Variants in SP2 observed in about 807,000 individuals in gnomAD.
SP2 encodes transcription factor Sp2.
A neutral mutation model predicts 50.1 loss-of-function variants in SP2; 9 were observed. The observed-to-expected ratio is 0.18, with a 90% confidence interval of 0.11 to 0.31. The LOEUF (loss-of-function observed/expected upper bound fraction) is 0.31, where lower values mean the gene tolerates loss of function less well. Ranked by LOEUF, SP2 falls within the 10% of genes least tolerant of loss-of-function variation. The pLI is 1.00. For synonymous variants in SP2, 313 were observed against 326.6 expected (o/e 0.96, Z 0.45); for missense variants, 581 against 806.5 (o/e 0.72, Z 3.39).
chr17:47,903,089 A>G (rs1412861674), intron 1 of SP2, among the ~76,000 whole-genome samples: 1 of 152,218 alleles, frequency 6.6e-6, no homozygotes, highest in African/African-American at 2.4e-5. Flanking sequence ...CTATTAATAC[A>G]TCCAAGTGGA....
chr17:47,909,595 G>T, intron 1 of SP2: 1 of 491,718 alleles, frequency 2.0e-6, no homozygotes, highest in Non-Finnish European at 2.6e-6. Flanking sequence ...TTAAACCCTC[G>T]ATGCAGTGAT....
downstream of SP2, among the ~76,000 whole-genome samples, chr17:47,929,236 C>A (rs972057461): frequency 6.6e-6 from 1 of 152,254 alleles, no homozygotes; most frequent in Non-Finnish European, 1.5e-5. Flanking sequence ...GTACACAAAG[C>A]AGATACGAAG....
Position 47,916,795 on chromosome 17 carries a change from A to C in SP2, c.724A>C (p.Lys242Gln). 1 of 1,614,076 alleles carries C rather than the reference A, an allele frequency of 6.2e-7. No homozygotes were observed. The highest frequency in any genetic ancestry group is 1.1e-5 in the South Asian group (1 of 91,082). ...LTESPPTPLS[K>Q]TNKKARKKSL... The stretch of plus-strand genomic sequence containing the variant: ...TGAAAGCCCCCCAACCCCGCTGTCT[A>C]AGACTAACAAGAAAGCAAGGAAGAA... Residue 242 changes from lysine (K) to glutamine (Q), a missense_variant, in exon 3 of 7, where the codon AAG (lysine) becomes CAG (glutamine). By Grantham distance (53) the Lys-to-Gln change is moderately conservative. This residue lies in a region of SP2 where 397 missense variants were observed against 491.0 expected (regional missense o/e 0.81). Transcript: ENST00000376741. This position sits in a 1 kb window ranked among gnomAD's most constrained non-coding sequence, Gnocchi z 4.7.
chr17:47,916,237 C>G lies in SP2; in HGVS notation c.166C>G (p.Pro56Ala). ...TCCAGCAGTTGAAGCTGCTGTGACA[C>G]CTCCTGCTCCCCCACAGCCCACACC... ...GPPAVEAAVT[P>A]PAPPQPTPRK... is the part of the protein sequence containing the mutation. The change falls in exon 3 of 7, where the codon CCT becomes GCT. Residue 56 changes from proline to alanine, a missense_variant. Around this residue, in one of 2 missense-constraint regions of SP2, gnomAD observed 397 missense variants for 491.0 expected, o/e 0.81. Coordinates refer to ENST00000376741, the MANE Select transcript of SP2 (RefSeq NM_003110.6). The surrounding 1 kb of genome is among the most constrained non-coding windows in gnomAD (Gnocchi z 4.7). 6.2e-7 allele frequency: 1 copy of G among 1,614,082 alleles called. No individual in the cohort carries two copies. Among genetic ancestry groups the G allele is most frequent in the Non-Finnish European group, 8.5e-7 (1 of 1,180,012 alleles).
At chr17:47,925,753 G>T (rs1296984287) in intron 6 of SP2, among the ~76,000 whole-genome samples, 1 of 152,156 alleles carries the variant, frequency 6.6e-6, no homozygotes, top group East Asian at 1.9e-4. Context: ...AGGAATAGTT[G>T]TCATTGCATG....
In SP2 at chr17:47,916,788, G is replaced by A. The variant is rs2229358; in HGVS notation, c.717G>A (p.Pro239=). The A allele has an allele frequency of 0.44, 715,128 of 1,613,216 alleles. 162,322 individuals are homozygous for A. The highest frequency in any genetic ancestry group is 0.77 in the East Asian group (34,431 of 44,874). Residue 239 remains proline, a synonymous_variant, in exon 3 of 7, where the codon CCG becomes CCA. Transcript: ENST00000376741. The surrounding 1 kb of genome is among the most constrained non-coding windows in gnomAD (Gnocchi z 4.7). Reference sequence around the variant, plus strand: ...TCCTCACTGAAAGCCCCCCAACCCCGCTGTCTAAGACTAACAAGAAAGCAA... The same window carrying A: ...TCCTCACTGAAAGCCCCCCAACCCCACTGTCTAAGACTAACAAGAAAGCAA... ...TQLLTESPPT[P]LSKTNKKARK...
At chr17:47,924,375 A>G (rs1284027816) in intron 4 of SP2, among the ~76,000 whole-genome samples, 2 of 151,964 alleles carry the variant, frequency 1.3e-5, no homozygotes, top group Non-Finnish European at 2.9e-5. Flanking sequence ...GGCCCAAGCA[A>G]TTGTCCTGCC....
At chr17:47,897,714 C>T (rs1420691910) in intron 1 of SP2, 3 of 254,820 alleles carry the variant, frequency 1.2e-5, no homozygotes, top group Admixed American at 1.3e-4. Context: ...GTCCAGACCA[C>T]AGCAGTAATT....
intron 1 of SP2, 81 bp downstream of exon 1, chr17:47,896,374 C>A: frequency 8.6e-7 from 1 of 1,167,464 alleles, no homozygotes; most frequent in Non-Finnish European, 1.1e-6. Flanking sequence ...GGAGAGGGAG[C>A]CGAGGCCGGG....
At chr17:47,917,745 A>G (rs1646896212) in intron 3 of SP2, 6 of 436,432 alleles carry the variant, frequency 1.4e-5, no homozygotes, top group Middle Eastern at 6.6e-4. Flanking sequence ...CTGAGTAGCC[A>G]GGACTACAGG....
intron 1 of SP2, among the ~76,000 whole-genome samples, chr17:47,901,335 C>T (rs187860446): frequency 3.9e-5 from 6 of 152,162 alleles, no homozygotes; most frequent in East Asian, 3.9e-4. Context: ...TTAGAAGAGA[C>T]GGGGTTTCAC....
intron 1 of SP2, among the ~76,000 whole-genome samples, chr17:47,905,917 T>C (rs140766683): frequency 1.3e-5 from 2 of 152,312 alleles, no homozygotes; most frequent in Admixed American, 1.3e-4. Context: ...TGGCGTGTTT[T>C]AATTCCAGAA....
intron 1 of SP2, among the ~76,000 whole-genome samples, chr17:47,905,981 G>A (rs2143827051): frequency 6.6e-6 from 1 of 152,258 alleles, no homozygotes; most frequent in Middle Eastern, 3.4e-3. Flanking sequence ...GGTCAGGAGG[G>A]AGGACCAGGG....
At position 47,916,703 on chromosome 17, in the gene SP2, C is replaced by T. The variant is rs371850352; in HGVS notation, c.632C>T (p.Thr211Met). 46 of 1,613,302 alleles carry T rather than the reference C, an allele frequency of 2.9e-5. No homozygotes were observed. The highest frequency in any genetic ancestry group is 9.3e-5 in the African/African-American group (7 of 74,888). Residue 211 changes from threonine to methionine, a missense_variant, in exon 3 of 7, where the codon ACG becomes ATG. Around this residue, in one of 2 missense-constraint regions of SP2, gnomAD observed 397 missense variants for 491.0 expected, o/e 0.81. Transcript: ENST00000376741. The surrounding 1 kb of genome is among the most constrained non-coding windows in gnomAD (Gnocchi z 4.7). ...VKLTGGGGNV[T>M]LTLPVNNLVN... Reference sequence around the variant, plus strand: ...CTGACAGGTGGGGGCGGCAATGTGACGCTCACTCTGCCCGTCAACAACCTT... The same window carrying T: ...CTGACAGGTGGGGGCGGCAATGTGATGCTCACTCTGCCCGTCAACAACCTT...
intron 1 of SP2, among the ~76,000 whole-genome samples, chr17:47,903,737 G>A (rs571787397): frequency 3.9e-5 from 6 of 152,116 alleles, no homozygotes; most frequent in East Asian, 1.9e-4. Flanking sequence ...CGAGGTGGTC[G>A]GATCACGAAG....
intron 5 of SP2, 60 bp downstream of exon 5, chr17:47,925,153 G>C: frequency 6.5e-7 from 1 of 1,536,626 alleles, no homozygotes; most frequent in East Asian, 2.3e-5. Context: ...GCCCCTCCTG[G>C]ACAGTTGTCC....
intron 1 of SP2, among the ~76,000 whole-genome samples, chr17:47,913,016 C>T (rs758541053): frequency 1.3e-5 from 2 of 151,744 alleles, no homozygotes; most frequent in East Asian, 1.9e-4. Context: ...CCTGCCACCA[C>T]GCCCTGCTAA....
At position 47,902,034 on chromosome 17, in the gene SP2, T is replaced by TA. The variant is rs200282889; in HGVS notation, c.7+5748dup. On this transcript the variant is annotated intron_variant, in intron 1 of 6. Coordinates refer to ENST00000376741, the MANE Select transcript of SP2 (RefSeq NM_003110.6). ...CTAAGGAGGCAAAATGAGGATAAGG[T>TA]AAAAAAAGGGGGGTGGCAATTTACA... 5.3e-3 allele frequency among the ~76,000 whole-genome samples: 802 copies of TA among 151,856 alleles called. 10 individuals carry two copies. The highest frequency in any genetic ancestry group is 0.017 in the African/African-American group (713 of 41,396).
chr17:47,925,234 T>TTG, intron 5 of SP2, 114 bp from the exon 6 acceptor site: 1 of 1,405,468 alleles, frequency 7.1e-7, no homozygotes, highest in Admixed American at 2.0e-5. Context: ...CCCTGCCTCC[T>TTG]TGTGCTCTCT....
Sources: allele counts gnomAD v4.1 joint callset (sites outside exome capture counted in the v4.1 genomes callset), GRCh38; gene constraint gnomAD v4.1.1; regional missense constraint gnomAD v4.1.1; non-coding constraint Gnocchi (gnomAD v3.1); transcripts MANE v1.5; gene names NCBI Gene and HGNC (gene_info 2026-07-23, HGNC 2026-07-21).